Variants in SCN1A observed in about 807,000 individuals in gnomAD.
SCN1A encodes the protein sodium voltage-gated channel alpha subunit 1.
SCN1A carries 13 observed loss-of-function variants against 193.7 expected under a neutral mutation model. The observed-to-expected ratio is 0.07, with a 90% CI of 0.04 to 0.11. The LOEUF is 0.11. Among genes scored for constraint, SCN1A ranks in the 10% least tolerant of loss-of-function variants. The pLI is 1.00. For missense variants in SCN1A, 1,432 were observed against 2,451.1 expected, an observed-to-expected ratio of 0.58 and a Z score of 8.78; for synonymous variants, 781 against 843.6, an observed-to-expected ratio of 0.93 and a Z score of 1.29.
intron 28 of SCN1A, chr2:165,993,051 T>C (rs1689477038): frequency 6.6e-6 from 1 of 152,050 alleles, no homozygotes; most frequent in Non-Finnish European, 1.5e-5. Context: ...ATCTCAGTCT[T>C]CTTATTTTCA....
chr2:166,106,283 G>A (rs34079906), intron 2 of SCN1A, among the ~76,000 whole-genome samples: 10,446 of 152,160 alleles, frequency 0.069, 487 homozygotes, highest in Middle Eastern at 0.21. Flanking sequence ...AGTACTGATA[G>A]GAGAGTAACC....
intron 22 of SCN1A, 37 bp downstream of exon 22, chr2:166,012,072 T>A (rs1427024321): frequency 1.3e-6 from 2 of 1,589,168 alleles, no homozygotes; most frequent in African/African-American, 1.3e-5. Flanking sequence ...TAAGACAAGC[T>A]ACCTTGAACA....
At chr2:166,003,443 A>AAAAT (rs1691209585) in intron 23 of SCN1A, among the ~76,000 whole-genome samples, 2 of 151,670 alleles carry the variant, frequency 1.3e-5, no homozygotes, top group African/African-American at 4.8e-5. Context: ...ATTTCTTAGG[A>AAAAT]AAATAAGAAA....
upstream of SCN1A, among the ~76,000 whole-genome samples, chr2:166,129,840 T>C (rs376709405): frequency 1.6e-4 from 25 of 152,144 alleles, no homozygotes; most frequent in East Asian, 1.2e-3. Context: ...ATTCCCCCAA[T>C]AGTTCTTCTC....
At position 166,073,506 on chromosome 2, in the gene SCN1A, G is replaced by A; in HGVS notation, c.116C>T (p.Pro39Leu). The change falls in exon 4 of 29, where the codon CCA (proline) becomes CTA (leucine). Residue 39 changes from proline (P) to leucine (L), a missense_variant. Pro to Leu is a moderately conservative substitution (Grantham distance 98). Around this residue, in one of 18 missense-constraint regions of SCN1A, gnomAD observed 55 missense variants for 58.4 expected, o/e 0.94. Coordinates refer to ENST00000674923, the MANE Select transcript of SCN1A (RefSeq NM_001165963.4). The stretch of plus-strand genomic sequence containing the variant: ...ATTTTCGTCGTCATCTTTTTTGTCT[G>A]GTTTGGGATTCTTTGCCTTTTCTTC... ...IAEEKAKNPK[P>L]DKKDDDENGP... 6.2e-7 allele frequency: 1 copy of A among 1,614,116 alleles called. No individual in the cohort carries two copies. Among genetic ancestry groups the A allele is most frequent in the African/African-American group, 1.3e-5 (1 of 75,014 alleles).
At chr2:166,138,036 G>A (rs1691932365) in intron 1 of SCN1A, among the ~76,000 whole-genome samples, 1 of 152,154 alleles carries the variant, frequency 6.6e-6, no homozygotes, top group African/African-American at 2.4e-5. Context: ...CTAGACATTT[G>A]TGGAACTTTG....
chr2:166,114,392 T>C (rs1689624343), intron 2 of SCN1A, among the ~76,000 whole-genome samples: 2 of 152,152 alleles, frequency 1.3e-5, no homozygotes, highest in African/African-American at 4.8e-5. Context: ...CTTTGTGTGA[T>C]TCCTACTCCC....
intron 7 of SCN1A, 131 bp from the exon 8 acceptor site, chr2:166,053,074 A>G (rs568173822): frequency 1.9e-5 from 27 of 1,399,910 alleles, no homozygotes; most frequent in Non-Finnish European, 1.0e-6. Flanking sequence ...AGCTCTCAAG[A>G]CTCTGAAAGT....
rs779807126 is a variant in SCN1A, at chr2:166,051,392, G to T, written c.964+327C>A. 2.5e-4 allele frequency among the ~76,000 whole-genome samples: 38 copies of T among 151,840 alleles called. 1 individual carries two copies. The highest frequency in any genetic ancestry group is 4.6e-4 in the Non-Finnish European group (31 of 67,924). On this transcript the variant is annotated intron_variant, in intron 9 of 28. Coordinates refer to ENST00000674923, the MANE Select transcript of SCN1A (RefSeq NM_001165963.4). ...ATTAGGTAATTTTCTAAAAGATCAC[G>T]TCTTGTTATGTAATCATTTAAAAAT...
intron 5 of SCN1A, among the ~76,000 whole-genome samples, chr2:166,057,300 T>C (rs1015592476): frequency 6.6e-6 from 1 of 151,946 alleles, no homozygotes; most frequent in African/African-American, 2.4e-5. Context: ...GGTACGTAAG[T>C]AAATATACTC....
chr2:166,003,172 T>A (rs560106006), intron 23 of SCN1A, among the ~76,000 whole-genome samples: 1 of 151,590 alleles, frequency 6.6e-6, no homozygotes, highest in African/African-American at 2.4e-5. Flanking sequence ...TGGACCTGAG[T>A]TGATTTGACC....
At chr2:166,127,218 C>T (rs1284255824) in intron 1 of SCN1A, among the ~76,000 whole-genome samples, 1 of 152,176 alleles carries the variant, frequency 6.6e-6, no homozygotes, top group Non-Finnish European at 1.5e-5. Flanking sequence ...TTGCCCCTTC[C>T]TTGTTCAAGG....
At chr2:166,047,098 C>T (rs1305725272) in intron 11 of SCN1A, 122 bp from the exon 12 acceptor site, 3 of 1,073,042 alleles carry the variant, frequency 2.8e-6, no homozygotes, top group Non-Finnish European at 2.7e-6. Context: ...TTGGTCATAG[C>T]ACCCTGTACT....
At chr2:166,117,722 C>T (rs1273164728) in intron 2 of SCN1A, among the ~76,000 whole-genome samples, 1 of 152,140 alleles carries the variant, frequency 6.6e-6, no homozygotes, top group East Asian at 1.9e-4. Flanking sequence ...TTTGGCCGGG[C>T]ACGGAGGTTC....
chr2:166,126,141 C>G (rs1574622335), intron 2 of SCN1A, among the ~76,000 whole-genome samples: 1 of 152,148 alleles, frequency 6.6e-6, no homozygotes. Context: ...ACCTCACCCT[C>G]TCCAAGAAAT....
chr2:166,142,421 C>T (rs185321458), intron 1 of SCN1A, among the ~76,000 whole-genome samples: 1 of 152,098 alleles, frequency 6.6e-6, no homozygotes, highest in Non-Finnish European at 1.5e-5. Context: ...TGTTAGGAAG[C>T]AACATTTGGT....
chr2:166,032,678 G>A (rs370423611), intron 19 of SCN1A, among the ~76,000 whole-genome samples: 43 of 152,210 alleles, frequency 2.8e-4, no homozygotes, highest in African/African-American at 8.4e-4. Flanking sequence ...AAATTGAAAT[G>A]TATCATTAGG....
At chr2:166,113,722 G>A (rs961280566) in intron 2 of SCN1A, among the ~76,000 whole-genome samples, 8 of 152,122 alleles carry the variant, frequency 5.3e-5, no homozygotes, top group African/African-American at 1.7e-4. Flanking sequence ...ACTTGGAAGG[G>A]TAGTAGGTGC....
chr2:166,094,455 A>T (rs1466739330), intron 2 of SCN1A, among the ~76,000 whole-genome samples: 1 of 152,242 alleles, frequency 6.6e-6, no homozygotes, highest in African/African-American at 2.4e-5. Context: ...ATAAAGTCAC[A>T]GTTTTATATG....
Sources: gnomAD v4.1 joint callset for allele counts (sites outside exome capture counted in the v4.1 genomes callset) on GRCh38, gnomAD v4.1.1 for gene constraint, gnomAD v4.1.1 regional missense constraint, MANE v1.5 for transcripts, NCBI Gene and HGNC (gene_info 2026-07-23, HGNC 2026-07-21) for gene names.